The following NBAS variants were observed in gnomAD, a reference collection of about 807,000 sequenced individuals.
The protein encoded by NBAS is NBAS subunit of NRZ tethering complex.
Under a neutral mutation model 302.5 loss-of-function variants are expected in NBAS, and 219 were observed. The ratio of observed to expected loss-of-function variants is 0.72; its 90% CI spans 0.65 to 0.81. The LOEUF (loss-of-function observed/expected upper bound fraction) is 0.81, where lower values mean the gene tolerates loss of function less well. Ranked by LOEUF, NBAS falls within the 30% of genes least tolerant of loss-of-function variation. The pLI is 0.00. For synonymous variants in NBAS, 1,118 were observed against 1,021.6 expected (o/e 1.09, Z -1.80); for missense variants, 2,932 against 2,841.6 (o/e 1.03, Z -0.72).
chr2:15,244,849 G>A (rs571605439), intron 44 of NBAS, among the ~76,000 whole-genome samples: 7 of 152,124 alleles, frequency 4.6e-5, no homozygotes, highest in Non-Finnish European at 7.4e-5. Flanking sequence ...CATCTTATCC[G>A]CTTCTCTATG....
chr2:15,137,935 A>G, the NBAS span, among the ~76,000 whole-genome samples: 2 of 152,154 alleles, frequency 1.3e-5, no homozygotes, highest in Admixed American at 6.5e-5. Context: ...ACGTCCAGCT[A>G]AAATGGCAGG....
chr2:15,406,116 C>CAAAAACATGAAAAAAAAAAAAAAA (rs772651880), intron 25 of NBAS, among the ~76,000 whole-genome samples: 1 of 134,526 alleles, frequency 7.4e-6, no homozygotes, highest in Non-Finnish European at 1.6e-5. Flanking sequence ...AAAAAAAAAA[C>CAAAAACATGAAAAAAAAAAAAAAA]AAAACAAAAA....
the NBAS span, among the ~76,000 whole-genome samples, chr2:15,144,430 T>C: frequency 6.6e-6 from 1 of 152,222 alleles, no homozygotes; most frequent in Admixed American, 6.5e-5. Flanking sequence ...ACTTTTATGT[T>C]TGGCTTGTGT....
the NBAS span, among the ~76,000 whole-genome samples, chr2:14,809,314 T>C: frequency 6.6e-6 from 1 of 152,078 alleles, no homozygotes; most frequent in East Asian, 1.9e-4. Context: ...ACTGGAGACA[T>C]AGAAGGAAAA....
At chr2:15,520,389 G>C (rs1453092622) in intron 9 of NBAS, among the ~76,000 whole-genome samples, 1 of 152,084 alleles carries the variant, frequency 6.6e-6, no homozygotes, top group Non-Finnish European at 1.5e-5. Context: ...ATGAAAGACA[G>C]AGCAAGACCC....
chr2:15,051,672 A>C, the NBAS span, among the ~76,000 whole-genome samples: 1 of 152,210 alleles, frequency 6.6e-6, no homozygotes, highest in Admixed American at 6.5e-5. Context: ...CATCACCATA[A>C]TTAGGTTAAT....
chr2:15,372,981 G>C lies in NBAS; in HGVS notation c.3703+1627C>G, dbSNP rs1051223468. Among the ~76,000 whole-genome samples, 6 of 152,068 alleles carry C rather than the reference G, an allele frequency of 3.9e-5. No homozygotes were observed. The East Asian group carries it at 5.8e-4, about 15-fold the overall frequency. ...ACAGACACACAGGCACACACACACA[G>C]AGTCAAATCCGTAACAGCATGGCCT... On this transcript the variant is annotated intron_variant, in intron 31 of 51. Coordinates refer to ENST00000281513, the MANE Select transcript of NBAS (RefSeq NM_015909.4).
chr2:14,989,373 C>A, the NBAS span, among the ~76,000 whole-genome samples: 3 of 151,254 alleles, frequency 2.0e-5, no homozygotes, highest in African/African-American at 7.3e-5. Flanking sequence ...GCCTGGCCAA[C>A]ATGGTGAAAC....
intron 21 of NBAS, among the ~76,000 whole-genome samples, chr2:15,445,667 A>AT (rs1472838166): frequency 4.6e-5 from 7 of 151,888 alleles, no homozygotes; most frequent in South Asian, 2.1e-4. Flanking sequence ...ATAAAAAAAA[A>AT]TTTTTAAATT....
At chr2:15,063,427 A>G in the NBAS span, among the ~76,000 whole-genome samples, 47 of 152,002 alleles carry the variant, frequency 3.1e-4, no homozygotes, top group African/African-American at 1.1e-3. Context: ...AGGTATCTCC[A>G]TCTAGCCTGT....
intron 7 of NBAS, among the ~76,000 whole-genome samples, chr2:15,538,030 T>G (rs1016867324): frequency 2.0e-5 from 3 of 152,192 alleles, no homozygotes; most frequent in African/African-American, 7.2e-5. Context: ...TTTCAAAAAT[T>G]TAAAATCAAA....
the NBAS span, among the ~76,000 whole-genome samples, chr2:14,860,230 C>A: frequency 4.7e-4 from 71 of 152,110 alleles, no homozygotes; most frequent in African/African-American, 1.6e-3. Flanking sequence ...ACATTGTTGA[C>A]GGGAATGTAA....
chr2:15,190,090 A>T (rs981585671), intron 49 of NBAS, among the ~76,000 whole-genome samples, 174 bp downstream of exon 49: 28 of 152,292 alleles, frequency 1.8e-4, no homozygotes, highest in African/African-American at 6.3e-4. Flanking sequence ...GCAAGGAGAA[A>T]CGGAAAGACA....
At chr2:14,992,292 C>G in the NBAS span, among the ~76,000 whole-genome samples, 1 of 152,130 alleles carries the variant, frequency 6.6e-6, no homozygotes, top group Non-Finnish European at 1.5e-5. Flanking sequence ...GTCTTCAAAT[C>G]CAGATGGGTG....
At chr2:15,212,716 C>T (rs914643429) in intron 48 of NBAS, among the ~76,000 whole-genome samples, 1 of 152,150 alleles carries the variant, frequency 6.6e-6, no homozygotes, top group African/African-American at 2.4e-5. Flanking sequence ...ATAGTAAGTT[C>T]TCACAAGATC....
the NBAS span, among the ~76,000 whole-genome samples, chr2:15,103,034 GGGTC>G: frequency 2.0e-4 from 16 of 79,200 alleles, no homozygotes; most frequent in East Asian, 1.7e-3. Context: ...GAAGGAAAGA[GGGTC>G]GGAGGGAGGG....
intron 5 of NBAS, among the ~76,000 whole-genome samples, chr2:15,552,241 T>G (rs914985513): frequency 6.6e-6 from 1 of 152,172 alleles, no homozygotes; most frequent in African/African-American, 2.4e-5. Context: ...ATGGTCTCAT[T>G]TATAAAGGAG....
chr2:14,885,254 T>C, the NBAS span, among the ~76,000 whole-genome samples: 1 of 151,668 alleles, frequency 6.6e-6, no homozygotes, highest in Admixed American at 6.6e-5. Context: ...GTATTGAGAG[T>C]AGAGATGGAG....
In NBAS at chr2:15,508,935, G is replaced by A. The variant is rs139266714; in HGVS notation, c.885+2277C>T. 3.5e-3 allele frequency among the ~76,000 whole-genome samples: 530 copies of A among 152,206 alleles called. 2 individuals carry two copies. Among genetic ancestry groups the A allele is most frequent in the African/African-American group, 0.012 (498 of 41,524 alleles). ...GGAGAATCGCTTGAACCCGGGAGAC[G>A]GTGGTTGCAGTGAGCCAAGAAAGCC... On this transcript the variant is annotated intron_variant, in intron 10 of 51. Coordinates refer to ENST00000281513, the MANE Select transcript of NBAS (RefSeq NM_015909.4).
Sources: gnomAD v4.1 joint callset for allele counts (sites outside exome capture counted in the v4.1 genomes callset) on GRCh38, gnomAD v4.1.1 for gene constraint, MANE v1.5 for transcripts, NCBI Gene and HGNC (gene_info 2026-07-23, HGNC 2026-07-21) for gene names.